The following ART3 variants were observed in gnomAD, a reference collection of about 807,000 sequenced individuals.
ART3 encodes ADP-ribosyltransferase 3 (inactive), also known as ecto-ADP-ribosyltransferase 3.
In ART3, 49 loss-of-function variants were observed where a neutral mutation model predicts 48.5. The observed-to-expected ratio is 1.01, with a 90% CI of 0.80 to 1.28. ART3 has a LOEUF of 1.28. ART3 is among the 50% of genes most tolerant of loss of function. ART3 has a pLI of 0.00. For missense variants in ART3, 438 were observed against 454.3 expected (o/e 0.96, Z 0.33); for synonymous variants, 145 against 157.2 (o/e 0.92, Z 0.58).
intron 3 of ART3, among the ~76,000 whole-genome samples, chr4:76,085,457 T>G (rs1723346521): frequency 6.6e-6 from 1 of 152,194 alleles, no homozygotes; most frequent in Admixed American, 6.5e-5. Context: ...CTCTTAGGGC[T>G]GTACCTGCAC....
rs972885573 is a variant in ART3, at chr4:76,011,321, G to T, written c.-10+1G>T. 2 of 152,560 alleles carry T rather than the reference G, an allele frequency of 1.3e-5. No homozygotes were observed. Among genetic ancestry groups the T allele is most frequent in the Non-Finnish European group, 2.9e-5 (2 of 68,318 alleles). The allele number at this position is 152,560 out of a possible 1,614,324, so 9.5% of individuals were successfully genotyped here. On this transcript the variant is annotated splice_donor_variant, in intron 1 of 9. Transcript: ENST00000341029. LOFTEE classifies it low-confidence loss of function (5UTR_SPLICE). The stretch of plus-strand genomic sequence containing the variant: ...AAGAGAAGCACTTTGGGGGCAAAAG[G>T]TAGGGGTTGTGCCTTCAGGATCTCT...
At chr4:76,030,409 T>C (rs1230120760) in intron 1 of ART3, among the ~76,000 whole-genome samples, 2 of 152,262 alleles carry the variant, frequency 1.3e-5, no homozygotes, top group East Asian at 1.9e-4. Flanking sequence ...TTTTGTACAG[T>C]GTACTTGTCA....
intron 1 of ART3, among the ~76,000 whole-genome samples, chr4:76,068,959 T>C (rs1720023127): frequency 6.6e-6 from 1 of 152,254 alleles, no homozygotes; most frequent in South Asian, 2.1e-4. Flanking sequence ...ATGGCTTAAA[T>C]AGTTTTTATT....
intron 11 of ART3, among the ~76,000 whole-genome samples, chr4:76,109,339 T>C (rs1233767808): frequency 6.6e-6 from 1 of 152,136 alleles, no homozygotes; most frequent in Non-Finnish European, 1.5e-5. Flanking sequence ...TCAATATCAC[T>C]GTCTTGCACC....
chr4:76,038,229 A>C (rs1187796375), intron 1 of ART3, among the ~76,000 whole-genome samples: 1 of 152,232 alleles, frequency 6.6e-6, no homozygotes, highest in East Asian at 1.9e-4. Flanking sequence ...CTACACAGTC[A>C]CTTAACTTTT....
chr4:76,105,733 G>A lies in ART3; in HGVS notation c.1003+1104G>A. On this transcript the variant is annotated intron_variant, in intron 10 of 11. Coordinates refer to ENST00000355810, the MANE Select transcript of ART3 (RefSeq NM_001130016.3). ...AGAATTTCTTTCAGTGTGAGCAGCA[G>A]GCTGCTATTACGGTTCTCTGGGCCA... is the stretch of plus-strand genomic sequence containing the variant. 4.1e-6 allele frequency: 4 copies of A among 985,398 alleles called. No individual in the cohort carries two copies. In the South Asian group the frequency reaches 1.4e-4, roughly 35 times the overall value. 61.0% of individuals were successfully genotyped at this position (985,398 alleles called of 1,614,324 possible). A position where few individuals can be genotyped will look rare whatever the true frequency, so the allele number is the denominator to read the frequency against.
chr4:76,082,784 A>G (rs1722757060), intron 3 of ART3, among the ~76,000 whole-genome samples: 2 of 152,210 alleles, frequency 1.3e-5, no homozygotes, highest in African/African-American at 2.4e-5. Flanking sequence ...TTTGCCCTGC[A>G]GGGTCATTTG....
upstream of ART3, among the ~76,000 whole-genome samples, chr4:76,070,881 A>G (rs1720242535): frequency 1.3e-5 from 2 of 151,934 alleles, no homozygotes; most frequent in South Asian, 4.1e-4. Context: ...TTCATATTAG[A>G]TGAACCTCTC....
chr4:76,024,365 G>A (rs758554922), intron 1 of ART3, among the ~76,000 whole-genome samples: 3 of 151,978 alleles, frequency 2.0e-5, no homozygotes, highest in East Asian at 1.9e-4. Flanking sequence ...GTTGATTTAC[G>A]ATGGGGTTCA....
intron 10 of ART3, among the ~76,000 whole-genome samples, chr4:76,106,633 A>G (rs911617816): frequency 1.3e-5 from 2 of 152,050 alleles, no homozygotes; most frequent in Non-Finnish European, 2.9e-5. Context: ...TAGCTTCCCT[A>G]ACTTAGTGCA....
At chr4:76,079,126 C>A (rs1381223666) in intron 2 of ART3, among the ~76,000 whole-genome samples, 7 of 135,306 alleles carry the variant, frequency 5.2e-5, no homozygotes, top group Non-Finnish European at 1.1e-4. Context: ...TGCCTGAGAT[C>A]AAATTCCAAT....
intron 3 of ART3, among the ~76,000 whole-genome samples, chr4:76,090,042 TGCACTCCAGCCTGGGTGACAAGAGTG>T (rs1384235130): frequency 1.3e-5 from 2 of 152,160 alleles, no homozygotes; most frequent in East Asian, 3.9e-4. Flanking sequence ...ATTGCGCCAT[TGCACTCCAGCCTGGGTGACAAGAGTG>T]AAACTCCATC....
chr4:76,104,090 C>G lies in ART3; in HGVS notation c.970+121C>G. The G allele has an allele frequency of 2.7e-6, 3 of 1,096,672 alleles. No individual in the cohort carries two copies. In the South Asian group the frequency reaches 4.1e-5, roughly 15 times the overall value. 67.9% of individuals were successfully genotyped at this position (1,096,672 alleles called of 1,614,324 possible). A position where few individuals can be genotyped will look rare whatever the true frequency, so the allele number is the denominator to read the frequency against. On this transcript the variant is annotated intron_variant, in intron 9 of 11. Transcript: ENST00000355810. ...GAATATTTCCCTTATAGCTACCTGC[C>G]AGTCATCTACAAATATTTAGCTGGG... is the stretch of plus-strand genomic sequence containing the variant.
At chr4:76,112,145 T>C (rs562812821) in intron 11 of ART3, among the ~76,000 whole-genome samples, 42 of 152,346 alleles carry the variant, frequency 2.8e-4, no homozygotes, top group Admixed American at 2.2e-3. Flanking sequence ...ACATGTAGGT[T>C]TTCATTGTGT....
chr4:76,075,772 T>C lies in ART3; in HGVS notation c.-9-109T>C, dbSNP rs985440902. On this transcript the variant is annotated intron_variant, in intron 1 of 11. Coordinates refer to ENST00000355810, the MANE Select transcript of ART3 (RefSeq NM_001130016.3). ...ATTGATAATCACTTCCTGACCATCA[T>C]GCTATCCACTCACATTCTAAATGAA... is the stretch of plus-strand genomic sequence containing the variant. 1.2e-5 allele frequency: 9 copies of C among 779,990 alleles called. No individual in the cohort carries two copies. In the African/African-American group the frequency reaches 1.4e-4, roughly 12 times the overall value. The allele number at this position is 779,990 out of a possible 1,614,324, so 48.3% of individuals were successfully genotyped here.
chr4:76,076,562 A>T (rs1193746482), intron 2 of ART3, among the ~76,000 whole-genome samples: 1 of 152,150 alleles, frequency 6.6e-6, no homozygotes, highest in Non-Finnish European at 1.5e-5. Context: ...TTCTATGTGT[A>T]TACTGTTTTT....
chr4:76,102,451 A>AT (rs1727541763), intron 8 of ART3, among the ~76,000 whole-genome samples: 1 of 152,168 alleles, frequency 6.6e-6, no homozygotes, highest in Non-Finnish European at 1.5e-5. Context: ...GTCTGAAGCA[A>AT]TGGCCTCCTA....
chr4:76,018,965 T>C (rs566011530), intron 1 of ART3, among the ~76,000 whole-genome samples: 2 of 148,910 alleles, frequency 1.3e-5, no homozygotes, highest in East Asian at 4.0e-4. Context: ...TGCTTGAGCC[T>C]GGGAGGTGGG....
At chr4:76,049,205 T>G (rs1735797050) in intron 1 of ART3, among the ~76,000 whole-genome samples, 1 of 151,938 alleles carries the variant, frequency 6.6e-6, no homozygotes, top group Non-Finnish European at 1.5e-5. Context: ...TATAAATCAT[T>G]CTTATAGGAG....
Sources: allele counts gnomAD v4.1 joint callset (sites outside exome capture counted in the v4.1 genomes callset), GRCh38; gene constraint gnomAD v4.1.1; transcripts MANE v1.5; gene names NCBI Gene and HGNC (gene_info 2026-07-23, HGNC 2026-07-21).